Variants in APP observed in about 807,000 individuals in gnomAD.
APP encodes amyloid-beta precursor protein.
A neutral mutation model predicts 101.4 loss-of-function variants in APP; 31 were observed. That is an observed-to-expected ratio of 0.31 (90% CI 0.23 to 0.41). The LOEUF is 0.41. APP is among the 10% of genes least tolerant of loss of function. The probability of loss-of-function intolerance (pLI) is 1.00; values close to 1 mark genes in which losing one functional copy is unlikely to be tolerated. For missense variants in APP, 839 were observed against 1,003.7 expected (o/e 0.84, Z 2.22); for synonymous variants, 366 against 364.4 (o/e 1.00, Z -0.05).
In APP at chr21:26,075,881, T is replaced by A. The variant is rs574833239; in HGVS notation, c.355+14062A>T. On this transcript the variant is annotated intron_variant, in intron 3 of 17. Coordinates refer to ENST00000346798, the MANE Select transcript of APP (RefSeq NM_000484.4). ...TTTCCCTGGAACATCCCCATGAATA[T>A]ATTTATTTATTTATTGTTTAATTTT... 1.0e-3 allele frequency among the ~76,000 whole-genome samples: 156 copies of A among 152,182 alleles called. 3 individuals carry two copies. The South Asian group carries it at 0.031, about 31-fold the overall frequency.
At chr21:26,058,924 A>G (rs2046151360) in intron 3 of APP, among the ~76,000 whole-genome samples, 1 of 151,996 alleles carries the variant, frequency 6.6e-6, no homozygotes, top group Non-Finnish European at 1.5e-5. Flanking sequence ...TACTAAAAAT[A>G]CAAAAAATTA....
At chr21:25,955,518 G>C (rs936199468) in intron 12 of APP, 109 bp downstream of exon 12, 2 of 1,517,414 alleles carry the variant, frequency 1.3e-6, no homozygotes, top group Admixed American at 3.5e-5. Flanking sequence ...CTTGCCATAG[G>C]GAAAACACCT....
intron 5 of APP, among the ~76,000 whole-genome samples, chr21:26,035,976 T>C (rs768564579): frequency 1.3e-5 from 2 of 152,006 alleles, no homozygotes; most frequent in African/African-American, 4.8e-5. Context: ...GAGAACCACA[T>C]TGAGGACTGG....
intron 3 of APP, among the ~76,000 whole-genome samples, chr21:26,079,215 C>T (rs967300646): frequency 6.6e-6 from 1 of 151,966 alleles, no homozygotes; most frequent in Non-Finnish European, 1.5e-5. Context: ...TGCTCAGAAG[C>T]GGCTAGAGTA....
chr21:25,952,377 T>TG lies in APP; in HGVS notation c.1687+2212dup, dbSNP rs576375578. On this transcript the variant is annotated intron_variant, in intron 13 of 17. Transcript: ENST00000346798. ...TATGTTCTTAATCCAACCTAATGGC[T>TG]GTTTTTTTTTTTCTTTTTACAGAAA... is the stretch of plus-strand genomic sequence containing the variant. 4.7e-3 allele frequency among the ~76,000 whole-genome samples: 113 copies of TG among 24,272 alleles called. 1 individual carries two copies. Among genetic ancestry groups the TG allele is most frequent in the African/African-American group, 0.016 (109 of 6,708 alleles). The allele number at this position is 24,272 out of a possible 152,430, so 15.9% of individuals were successfully genotyped here.
chr21:26,138,871 A>G (rs1178035702), intron 1 of APP, among the ~76,000 whole-genome samples: 2 of 152,222 alleles, frequency 1.3e-5, no homozygotes, highest in Admixed American at 6.5e-5. Flanking sequence ...TTTGTCAGGA[A>G]CTGCTCCCTT....
chr21:26,079,804 T>C (rs1261044797), intron 3 of APP, among the ~76,000 whole-genome samples: 1 of 152,242 alleles, frequency 6.6e-6, no homozygotes. Context: ...TTTCTCCCTA[T>C]ATACACTGTA....
chr21:25,984,399 A>G (rs1263550617), intron 8 of APP, among the ~76,000 whole-genome samples: 2 of 152,190 alleles, frequency 1.3e-5, no homozygotes, highest in East Asian at 3.8e-4. Context: ...TTTTCAAAAA[A>G]TGTTAGGTGT....
chr21:25,899,278 G>T (rs1183556534), intron 15 of APP, among the ~76,000 whole-genome samples: 1 of 152,118 alleles, frequency 6.6e-6, no homozygotes. Context: ...TAAGAACTTG[G>T]ACTTGGGTAG....
intron 13 of APP, among the ~76,000 whole-genome samples, chr21:25,938,830 T>G (rs921355216): frequency 6.6e-6 from 1 of 152,174 alleles, no homozygotes; most frequent in African/African-American, 2.4e-5. Flanking sequence ...TATGGAAAGC[T>G]CGAGCTAGGA....
chr21:26,048,613 C>T (rs1345503959), intron 5 of APP, among the ~76,000 whole-genome samples: 1 of 152,070 alleles, frequency 6.6e-6, no homozygotes, highest in Non-Finnish European at 1.5e-5. Context: ...TTATTGAGGA[C>T]CTATGTGCAA....
chr21:25,938,123 A>T (rs893845677), intron 13 of APP, among the ~76,000 whole-genome samples: 7 of 152,182 alleles, frequency 4.6e-5, no homozygotes, highest in Admixed American at 3.3e-4. Flanking sequence ...ATTAATAAGC[A>T]GTTTATGCCA....
At chr21:26,126,534 C>T (rs888171727) in intron 1 of APP, among the ~76,000 whole-genome samples, 1 of 152,054 alleles carries the variant, frequency 6.6e-6, no homozygotes, top group Non-Finnish European at 1.5e-5. Context: ...CTACATGGGT[C>T]CTAGGCCACT....
chr21:25,999,653 T>C (rs1030758881), intron 7 of APP, among the ~76,000 whole-genome samples: 1 of 152,220 alleles, frequency 6.6e-6, no homozygotes, highest in African/African-American at 2.4e-5. Flanking sequence ...TGAACACATA[T>C]GTACACGGAC....
chr21:26,040,128 T>G (rs1350795643), intron 5 of APP, among the ~76,000 whole-genome samples: 1 of 152,226 alleles, frequency 6.6e-6, no homozygotes, highest in Admixed American at 6.5e-5. Flanking sequence ...TACAACATTT[T>G]AAATAATTTT....
At chr21:26,155,651 T>G (rs912290314) in intron 1 of APP, among the ~76,000 whole-genome samples, 1 of 152,226 alleles carries the variant, frequency 6.6e-6, no homozygotes, top group Non-Finnish European at 1.5e-5. Context: ...TTTGTTTTCT[T>G]ATTTTGTGCA....
intron 1 of APP, among the ~76,000 whole-genome samples, chr21:26,149,734 T>C (rs1405212205): frequency 6.6e-6 from 1 of 152,238 alleles, no homozygotes; most frequent in African/African-American, 2.4e-5. Flanking sequence ...TTGATTAAAA[T>C]GTACATTCTT....
chr21:26,059,044 G>A (rs1320601861), intron 3 of APP, among the ~76,000 whole-genome samples: 1 of 151,296 alleles, frequency 6.6e-6, no homozygotes, highest in Admixed American at 6.6e-5. Flanking sequence ...TCGCGCCACT[G>A]CACTCCAGCC....
At chr21:26,144,159 T>C (rs971876313) in intron 1 of APP, among the ~76,000 whole-genome samples, 2 of 152,138 alleles carry the variant, frequency 1.3e-5, no homozygotes, top group Non-Finnish European at 2.9e-5. Context: ...ACTAACTCAC[T>C]ATTACCAGAA....
Sources: allele counts gnomAD v4.1 joint callset (sites outside exome capture counted in the v4.1 genomes callset), GRCh38; gene constraint gnomAD v4.1.1; transcripts MANE v1.5; gene names NCBI Gene and HGNC (gene_info 2026-07-23, HGNC 2026-07-21).